ASPM: variants seen among roughly 807,000 people sequenced by gnomAD.
ASPM encodes the protein assembly factor for spindle microtubules, also known as abnormal spindle-like microcephaly-associated protein.
In ASPM, 256 loss-of-function variants were observed where a neutral mutation model predicts 366.4. That is an observed-to-expected ratio of 0.70 (90% CI 0.63 to 0.77). ASPM has a LOEUF of 0.77. Ranked by LOEUF, ASPM falls within the 30% of genes least tolerant of loss-of-function variation. The probability of loss-of-function intolerance (pLI) is 0.00; values close to 1 mark genes in which losing one functional copy is unlikely to be tolerated. For missense variants in ASPM, 4,146 were observed against 4,090.4 expected (o/e 1.01, Z -0.37); for synonymous variants, 1,414 against 1,342.9 (o/e 1.05, Z -1.16).
chr1:197,106,021 T>C (rs1657398198), intron 17 of ASPM, among the ~76,000 whole-genome samples: 1 of 152,010 alleles, frequency 6.6e-6, no homozygotes, highest in Non-Finnish European at 1.5e-5. Context: ...GAGAGGTTGT[T>C]CTCTACTACA....
intron 18 of ASPM, among the ~76,000 whole-genome samples, chr1:197,099,925 C>G (rs1009137855): frequency 5.9e-5 from 9 of 151,634 alleles, no homozygotes; most frequent in African/African-American, 2.2e-4. Flanking sequence ...ACATTCCTCA[C>G]ACATTTGGCA....
Position 197,142,786 on chromosome 1 carries a change from C to T in ASPM, c.1466G>A (p.Arg489Lys). The T allele has an allele frequency of 6.2e-7, 1 of 1,613,616 alleles. No individual in the cohort carries two copies. Among genetic ancestry groups the T allele is most frequent in the African/African-American group, 1.3e-5 (1 of 75,020 alleles). The stretch of plus-strand genomic sequence containing the variant: ...AACAGTGGCAGAAAGTATTGGACGT[C>T]TCTTAGGTTGTTTATTGTGGCTATG... ...SSHSHNKQPK[R>K]RPILSATVTK... Residue 489 changes from arginine (R) to lysine (K), a missense_variant, in exon 3 of 28, where the codon AGA becomes AAA. Around this residue, in one of 3 missense-constraint regions of ASPM, gnomAD observed 3,624 missense variants for 3,591.7 expected, o/e 1.01. Transcript: ENST00000367409.
rs776225069 is a variant in ASPM at position 197,084,393 on chromosome 1, G to A, written c.10365C>T (p.Asn3455=). ...LKPDWVLRRD[N]MEEITNPLQA... is the part of the protein sequence containing the mutation. Reference sequence around the variant, plus strand: ...GCAGGGGATTTGTGATTTCTTCCATGTTATCTCTTCTCAAAACCCAATCTG... The same window carrying A: ...GCAGGGGATTTGTGATTTCTTCCATATTATCTCTTCTCAAAACCCAATCTG... The change falls in exon 28 of 28, where the codon AAC becomes AAT. Residue 3455 remains asparagine (N), a synonymous_variant. Transcript: ENST00000367409. The A allele has an allele frequency of 6.2e-7, 1 of 1,605,940 alleles. No individual in the cohort carries two copies. Among genetic ancestry groups the A allele is most frequent in the Non-Finnish European group, 8.5e-7 (1 of 1,176,780 alleles).
intron 19 of ASPM, 37 bp downstream of exon 19, chr1:197,095,961 A>C: frequency 6.5e-7 from 1 of 1,541,502 alleles, no homozygotes; most frequent in Non-Finnish European, 8.9e-7. Context: ...TCACACACAA[A>C]TACTTTTACA....
Position 197,143,699 on chromosome 1 carries a change from C to A in ASPM, c.553G>T (p.Val185Phe), listed in dbSNP as rs1218927105. The A allele has an allele frequency of 1.9e-6, 3 of 1,613,868 alleles. No homozygotes were observed. Among genetic ancestry groups the A allele is most frequent in the Non-Finnish European group, 2.5e-6 (3 of 1,179,868 alleles). Reference protein sequence around the residue: ...VNKTFSVSQKVDRVRSPLQAC... With the variant: ...VNKTFSVSQKFDRVRSPLQAC... Reference sequence around the variant, plus strand: ...TGTAGTGGGCTCCTAACTCTGTCAACTTTTTGGGAAACACTAAATGTTTTA... The same window carrying A: ...TGTAGTGGGCTCCTAACTCTGTCAAATTTTTGGGAAACACTAAATGTTTTA... Residue 185 changes from valine to phenylalanine, a missense_variant, in exon 3 of 28, where the codon GTT becomes TTT. Physicochemically the swap from Val to Phe is conservative, Grantham distance 50. Around this residue, in one of 3 missense-constraint regions of ASPM, gnomAD observed 512 missense variants for 471.7 expected, o/e 1.09. Transcript: ENST00000367409.
intron 13 of ASPM, among the ~76,000 whole-genome samples, chr1:197,123,842 A>C (rs1557956373): frequency 6.6e-6 from 1 of 152,076 alleles, no homozygotes; most frequent in Admixed American, 6.6e-5. Flanking sequence ...TGATTCTTTT[A>C]TGTCCCAGTT....
Position 197,142,857 on chromosome 1 carries a change from T to C in ASPM, c.1395A>G (p.Ile465Met). ...VEMKSNYYSF[I>M]KQNNPKFSAV... ...CAGAAAATTTAGGATTATTTTGTTTTATAAAACTGTAGTAATTTGACTTCA... is the reference window on the plus strand; with the variant it reads ...CAGAAAATTTAGGATTATTTTGTTTCATAAAACTGTAGTAATTTGACTTCA... Residue 465 changes from isoleucine (I) to methionine (M), a missense_variant, in exon 3 of 28, where the codon ATA (isoleucine) becomes ATG (methionine). This residue lies in a region of ASPM where 3,624 missense variants were observed against 3,591.7 expected (regional missense o/e 1.01). Transcript: ENST00000367409. 1 of 1,613,434 alleles carries C rather than the reference T, an allele frequency of 6.2e-7. No homozygotes were observed. Among genetic ancestry groups the C allele is most frequent in the Non-Finnish European group, 8.5e-7 (1 of 1,179,432 alleles).
Position 197,124,286 on chromosome 1 carries a change from A to T in ASPM, c.3214T>A (p.Phe1072Ile). 1 of 1,601,488 alleles carries T rather than the reference A, an allele frequency of 6.2e-7. No homozygotes were observed. Among genetic ancestry groups the T allele is most frequent in the Non-Finnish European group, 8.5e-7 (1 of 1,169,880 alleles). ...TTTATACTCTTTGTGTGTTTTAGAA[A>T]GGCAATTTCTTCCTTTAATTGATCT... is the stretch of plus-strand genomic sequence containing the variant. ...NLDQLKEEIA[F>I]LKHTKSIKKT... The change falls in exon 13 of 28, where the codon TTT (phenylalanine) becomes ATT (isoleucine). Residue 1072 changes from phenylalanine (F) to isoleucine (I), a missense_variant. Phe to Ile is a conservative substitution (Grantham distance 21). Coordinates refer to ENST00000367409, the MANE Select transcript of ASPM (RefSeq NM_018136.5).
chr1:197,143,565 A>G lies in ASPM; in HGVS notation c.687T>C (p.Asn229=). ...GCAAGCAAGTTGCACCATGGCATTC[A>G]TTGAAAGCAGGGCTAATAGGTGATA... ...IPISPISPAF[N]ECHGATCLPL... The change falls in exon 3 of 28, where the codon AAT becomes AAC. Residue 229 remains asparagine, a synonymous_variant. Transcript: ENST00000367409. The G allele has an allele frequency of 1.2e-6, 2 of 1,613,728 alleles. No homozygotes were observed. The highest frequency in any genetic ancestry group is 1.7e-6 in the Non-Finnish European group (2 of 1,179,922).
chr1:197,124,783 T>C, intron 12 of ASPM, 87 bp downstream of exon 12: 1 of 1,076,134 alleles, frequency 9.3e-7, no homozygotes, highest in Admixed American at 1.7e-5. Flanking sequence ...ATGGTTGTTG[T>C]TGTTATTCTT....
chr1:197,114,747 T>A (rs1657693043), intron 17 of ASPM, among the ~76,000 whole-genome samples: 2 of 150,814 alleles, frequency 1.3e-5, no homozygotes, highest in South Asian at 4.1e-4. Flanking sequence ...CTAGTTATTT[T>A]ATTTATTTTT....
Position 197,103,064 on chromosome 1 carries a change from A to G in ASPM, c.6187T>C (p.Tyr2063His). 1 of 1,612,490 alleles carries G rather than the reference A, an allele frequency of 6.2e-7. No individual in the cohort carries two copies. Among genetic ancestry groups the G allele is most frequent in the South Asian group, 1.1e-5 (1 of 91,038 alleles). Residue 2063 changes from tyrosine to histidine, a missense_variant, in exon 18 of 28, where the codon TAT becomes CAT. By Grantham distance (83) the Tyr-to-His change is moderately conservative. Coordinates refer to ENST00000367409, the MANE Select transcript of ASPM (RefSeq NM_018136.5). ...ATAGCTGAAGCTCTATAGGTTGCAT[A>G]TTTCTTTTTGGTTTTGTAAGCTCTG... ...KYRAYKTKKKYATYRASAIII... is the reference protein window; with the variant it reads ...KYRAYKTKKKHATYRASAIII...
intron 3 of ASPM, among the ~76,000 whole-genome samples, chr1:197,141,692 A>G (rs1888991): frequency 0.78 from 118,102 of 152,106 alleles, 49,471 homozygotes; most frequent in East Asian, 1. Context: ...TTAATTTCCT[A>G]AGCATAGCAT....
rs559939808 is a variant in ASPM, at chr1:197,123,991, G to A, written c.3390+119C>T. On this transcript the variant is annotated intron_variant, in intron 13 of 27. Coordinates refer to ENST00000367409, the MANE Select transcript of ASPM (RefSeq NM_018136.5). ...AAAACATTCACTCATTTGAGGGAAAGTTTGCTTACACAGATGAACTAAGAA... is the reference window on the plus strand; with the variant it reads ...AAAACATTCACTCATTTGAGGGAAAATTTGCTTACACAGATGAACTAAGAA... 7.2e-6 allele frequency: 6 copies of A among 828,500 alleles called. No individual in the cohort carries two copies. The African/African-American group carries it at 1.0e-4, about 14-fold the overall frequency. 51.3% of individuals were successfully genotyped at this position (828,500 alleles called of 1,614,324 possible).
Position 197,105,067 on chromosome 1 carries a change from CA to C in ASPM, c.4183del (p.Trp1395GlyfsTer14). ...IAVTSYKRYL[W>X]ATVTIQRHWR... ...ATGCCTCTGAATTGTAACTGTAGCC[CA>C]AAGATATCGTTTATAAGATGTAACA... On this transcript the variant is annotated frameshift_variant, in exon 18 of 28. Transcript: ENST00000367409. LOFTEE classifies it high-confidence loss of function. 6.2e-7 allele frequency: 1 copy of C among 1,609,842 alleles called. No homozygotes were observed. Among genetic ancestry groups the C allele is most frequent in the Non-Finnish European group, 8.5e-7 (1 of 1,177,386 alleles).
chr1:197,092,529 G>A (rs140062808), intron 21 of ASPM, among the ~76,000 whole-genome samples: 162 of 151,998 alleles, frequency 1.1e-3, no homozygotes, highest in African/African-American at 3.7e-3. Context: ...ACTTTCACTT[G>A]ATGTTTAATA....
At position 197,101,183 on chromosome 1, in the gene ASPM, G is replaced by T; in HGVS notation, c.8068C>A (p.Arg2690=). ...AATGACTGAATTAGTGTGGCAGCCC[G>T]GTGCATATTTTGAATATCCTTTCGT... ...KVRKDIQNMH[R]AATLIQSFYR... is the part of the protein sequence containing the mutation. Residue 2690 remains arginine (R), a synonymous_variant, in exon 18 of 28, where the codon CGG becomes AGG. Coordinates refer to ENST00000367409, the MANE Select transcript of ASPM (RefSeq NM_018136.5). 1.9e-6 allele frequency: 3 copies of T among 1,612,220 alleles called. No individual in the cohort carries two copies. Among genetic ancestry groups the T allele is most frequent in the Non-Finnish European group, 2.5e-6 (3 of 1,179,046 alleles).
Position 197,142,828 on chromosome 1 carries a change from A to G in ASPM, c.1424T>C (p.Val475Ala), listed in dbSNP as rs1429840078. 3.7e-6 allele frequency: 6 copies of G among 1,613,416 alleles called. No homozygotes were observed. The highest frequency in any genetic ancestry group is 5.1e-6 in the Non-Finnish European group (6 of 1,179,540). Reference protein sequence around the residue: ...IKQNNPKFSAVQDISSHSHNK... With the variant: ...IKQNNPKFSAAQDISSHSHNK... Reference sequence around the variant, plus strand: ...GTGGCTATGACTAGAAATATCCTGAACTGCAGAAAATTTAGGATTATTTTG... The same window carrying G: ...GTGGCTATGACTAGAAATATCCTGAGCTGCAGAAAATTTAGGATTATTTTG... The change falls in exon 3 of 28, where the codon GTT (valine) becomes GCT (alanine). Residue 475 changes from valine (V) to alanine (A), a missense_variant. By Grantham distance (64) the Val-to-Ala change is moderately conservative. This residue lies in a region of ASPM where 3,624 missense variants were observed against 3,591.7 expected (regional missense o/e 1.01). Coordinates refer to ENST00000367409, the MANE Select transcript of ASPM (RefSeq NM_018136.5).
chr1:197,122,021 A>G lies in ASPM; in HGVS notation c.3764T>C (p.Phe1255Ser). The part of the protein sequence containing the change: ...DEKVVITYLS[F>S]LCARLLDLRK... ...AAGATCCAAAAGCCTTGCACAAAGAAATGACAAATAGGTAATAACCACCTA... is the reference window on the plus strand; with the variant it reads ...AAGATCCAAAAGCCTTGCACAAAGAGATGACAAATAGGTAATAACCACCTA... Residue 1255 changes from phenylalanine to serine, a missense_variant, in exon 16 of 28, where the codon TTT becomes TCT. Physicochemically the swap from Phe to Ser is radical, Grantham distance 155 (BLOSUM62 -2). Coordinates refer to ENST00000367409, the MANE Select transcript of ASPM (RefSeq NM_018136.5). 6.2e-7 allele frequency: 1 copy of G among 1,612,622 alleles called. No individual in the cohort carries two copies. The highest frequency in any genetic ancestry group is 8.5e-7 in the Non-Finnish European group (1 of 1,179,002).
Sources: gnomAD v4.1 joint callset for allele counts (sites outside exome capture counted in the v4.1 genomes callset) on GRCh38, gnomAD v4.1.1 for gene constraint, gnomAD v4.1.1 regional missense constraint, MANE v1.5 for transcripts, NCBI Gene and HGNC (gene_info 2026-07-23, HGNC 2026-07-21) for gene names.